The following FYTTD1 variants were observed in gnomAD, a reference collection of about 807,000 sequenced individuals.
FYTTD1 encodes UAP56-interacting factor.
In FYTTD1, 22 loss-of-function variants were observed where a neutral mutation model predicts 40.9. The ratio of observed to expected loss-of-function variants is 0.54; its 90% CI spans 0.38 to 0.77. The LOEUF (loss-of-function observed/expected upper bound fraction) is 0.77. Among genes scored for constraint, FYTTD1 ranks in the 30% least tolerant of loss-of-function variants. FYTTD1 has a pLI of 0.00. For synonymous variants in FYTTD1, 140 were observed against 137.9 expected (o/e 1.01, Z -0.10); for missense variants, 351 against 392.2 (o/e 0.90, Z 0.89).
intron 2 of FYTTD1, among the ~76,000 whole-genome samples, chr3:197,766,625 T>C (rs1190124294): frequency 6.6e-6 from 1 of 152,020 alleles, no homozygotes; most frequent in Admixed American, 6.6e-5. Flanking sequence ...GTATTTTTTC[T>C]AGAGATGGGG....
chr3:197,756,719 T>G (rs1319461888), intron 2 of FYTTD1, among the ~76,000 whole-genome samples, 162 bp downstream of exon 2: 1 of 152,210 alleles, frequency 6.6e-6, no homozygotes, highest in East Asian at 1.9e-4. Flanking sequence ...TGGTAAAAAT[T>G]TCAGTAGCCT....
At chr3:197,753,228 G>T (rs1560491269) in intron 1 of FYTTD1, among the ~76,000 whole-genome samples, 2 of 152,236 alleles carry the variant, frequency 1.3e-5, no homozygotes, top group African/African-American at 2.4e-5. Flanking sequence ...GTTTGCAGAG[G>T]TTTTTTTGTT....
chr3:197,778,033 A>G (rs1729924955), intron 7 of FYTTD1, among the ~76,000 whole-genome samples: 1 of 152,210 alleles, frequency 6.6e-6, no homozygotes, highest in African/African-American at 2.4e-5. Context: ...TTAATGATTG[A>G]AATGAAAAGC....
rs774065663 is a variant in FYTTD1, at chr3:197,773,538, T to TGTTC, written c.594+42_594+43insCGTT. 1.5e-5 allele frequency: 19 copies of TGTTC among 1,283,256 alleles called. 1 individual carries two copies. In the African/African-American group the frequency reaches 2.5e-4, roughly 17 times the overall value. The allele number at this position is 1,283,256 out of a possible 1,614,324, so 79.5% of individuals were successfully genotyped here. On this transcript the variant is annotated intron_variant, in intron 5 of 8. Coordinates refer to ENST00000241502, the MANE Select transcript of FYTTD1 (RefSeq NM_032288.7). ...TTGGCAGTGTTTTTGTTTGTTTGTT[T>TGTTC]GTTTTTTCCCAAAGAGGATCCTGAG... is the stretch of plus-strand genomic sequence containing the variant.
chr3:197,775,169 C>A (rs9825737), intron 6 of FYTTD1, among the ~76,000 whole-genome samples: 5,861 of 152,102 alleles, frequency 0.039, 308 homozygotes, highest in African/African-American at 0.13. Context: ...GCTTTTAGAA[C>A]ATTTGTACAA....
chr3:197,773,566 G>A, intron 5 of FYTTD1, 67 bp downstream of exon 5: 2 of 894,094 alleles, frequency 2.2e-6, no homozygotes, highest in Non-Finnish European at 3.6e-6. Context: ...ATCCTGAGCA[G>A]CCACCTTTAG....
intron 2 of FYTTD1, among the ~76,000 whole-genome samples, chr3:197,759,253 AAG>A (rs1181245061): frequency 1.3e-5 from 2 of 150,178 alleles, no homozygotes; most frequent in Non-Finnish European, 2.9e-5. Context: ...CAGTGGTAGA[AAG>A]TATAGAGTTG....
In FYTTD1 at chr3:197,770,396, G is replaced by A. The variant is rs1351741047; in HGVS notation, c.497+152G>A. The A allele has an allele frequency of 8.0e-6, 5 of 625,332 alleles. No homozygotes were observed. In the African/African-American group the frequency reaches 9.2e-5, roughly 12 times the overall value. The allele number at this position is 625,332 out of a possible 1,614,324, so 38.7% of individuals were successfully genotyped here. A position where few individuals can be genotyped will look rare whatever the true frequency, so the allele number is the denominator to read the frequency against. On this transcript the variant is annotated intron_variant, in intron 4 of 8. Transcript: ENST00000241502. ...TGTCTATCTGAACATCCACATGGAT[G>A]TATCCAGTAATAGCTTGTTTATTAG...
Position 197,787,108 on chromosome 3 carries a change from AT to A in FYTTD1, c.*5201del, listed in dbSNP as rs1730169908. 1 of 118,450 alleles carries A rather than the reference AT, an allele frequency of 8.4e-6. No homozygotes were observed. Among genetic ancestry groups the A allele is most frequent in the Non-Finnish European group, 1.7e-5 (1 of 59,604 alleles). The allele number at this position is 118,450 out of a possible 1,614,324, so 7.3% of individuals were successfully genotyped here. A position where few individuals can be genotyped will look rare whatever the true frequency, so the allele number is the denominator to read the frequency against. ...GCCACCACGCCCGCCCTAAAAGTGG[AT>A]TCTTTTTTTTTTTTTTTTTTTTGGA... On this transcript the variant is annotated 3_prime_UTR_variant, in exon 9 of 9. Transcript: ENST00000241502.
chr3:197,762,291 TGGAA>T (rs1447485457), intron 2 of FYTTD1, among the ~76,000 whole-genome samples: 3,546 of 152,240 alleles, frequency 0.023, 118 homozygotes, highest in African/African-American at 0.079. Flanking sequence ...TTATTTGTTT[TGGAA>T]AATAAAAATA....
intron 2 of FYTTD1, among the ~76,000 whole-genome samples, chr3:197,765,513 A>G (rs1205960589): frequency 6.6e-6 from 1 of 152,102 alleles, no homozygotes; most frequent in African/African-American, 2.4e-5. Context: ...ATCTTCATCT[A>G]GTTGCAATTT....
intron 2 of FYTTD1, among the ~76,000 whole-genome samples, chr3:197,760,729 G>GT (rs1330570315): frequency 6.6e-6 from 1 of 151,358 alleles, no homozygotes. Flanking sequence ...AATGTATAGA[G>GT]TGTTCTTCAG....
upstream of FYTTD1, chr3:197,749,637 C>A (rs1728921824): frequency 1.1e-6 from 1 of 951,038 alleles, no homozygotes; most frequent in Non-Finnish European, 1.5e-6. Flanking sequence ...TCACTGAAGG[C>A]ATAAGATTCA....
intron 2 of FYTTD1, among the ~76,000 whole-genome samples, chr3:197,764,760 A>G (rs1729492378): frequency 6.6e-6 from 1 of 151,986 alleles, no homozygotes; most frequent in African/African-American, 2.4e-5. Context: ...GAGAAAAAAA[A>G]AACAGCAGAA....
In FYTTD1 at chr3:197,759,789, G is replaced by GT. The variant is rs1458286601; in HGVS notation, c.235+3233dup. Among the ~76,000 whole-genome samples, 16 of 147,260 alleles carry GT rather than the reference G, an allele frequency of 1.1e-4. 1 individual carries two copies. Among genetic ancestry groups the GT allele is most frequent in the Admixed American group, 1.0e-3 (15 of 14,852 alleles). ...GTTCTTCAGTGGTAGAATGTATAGAGTGTTCTTCAGTGGTAGAACGTATAG... is the reference window on the plus strand; with the variant it reads ...GTTCTTCAGTGGTAGAATGTATAGAGTTGTTCTTCAGTGGTAGAACGTATAG... On this transcript the variant is annotated intron_variant, in intron 2 of 8. Transcript: ENST00000241502.
intron 8 of FYTTD1, among the ~76,000 whole-genome samples, chr3:197,779,205 A>G (rs1729956641): frequency 6.6e-6 from 1 of 152,194 alleles, no homozygotes. Flanking sequence ...ACCTGAAGTC[A>G]GGAGTTCGAG....
Position 197,768,492 on chromosome 3 carries a change from C to T in FYTTD1, c.289C>T (p.Arg97Cys), listed in dbSNP as rs776754149. 7.4e-6 allele frequency: 12 copies of T among 1,612,082 alleles called. No homozygotes were observed. Among genetic ancestry groups the T allele is most frequent in the African/African-American group, 4.0e-5 (3 of 74,866 alleles). The change falls in exon 3 of 9, where the codon CGT becomes TGT. Residue 97 changes from arginine (R) to cysteine (C), a missense_variant. Physicochemically the swap from Arg to Cys is radical, Grantham distance 180. Coordinates refer to ENST00000241502, the MANE Select transcript of FYTTD1 (RefSeq NM_032288.7). The stretch of plus-strand genomic sequence containing the variant: ...AGGAAGAGTAATGCCTGGAAAGAGA[C>T]GTCCTAATGGAGTTATCACTGGCCT... ...RRGRVMPGKRRPNGVITGLAA... is the reference protein window; with the variant it reads ...RRGRVMPGKRCPNGVITGLAA...
chr3:197,763,634 A>G (rs776608029), intron 2 of FYTTD1: 3 of 364,582 alleles, frequency 8.2e-6, no homozygotes, highest in Middle Eastern at 7.5e-4. Context: ...AAAGAGTATA[A>G]AGAGGTACTG....
intron 1 of FYTTD1, among the ~76,000 whole-genome samples, chr3:197,753,691 A>G (rs772140661): frequency 2.6e-5 from 4 of 152,146 alleles, no homozygotes; most frequent in Non-Finnish European, 4.4e-5. Context: ...GTAATTTTAT[A>G]TTTAATATGC....
Sources: allele counts gnomAD v4.1 joint callset (sites outside exome capture counted in the v4.1 genomes callset), GRCh38; gene constraint gnomAD v4.1.1; transcripts MANE v1.5; gene names NCBI Gene and HGNC (gene_info 2026-07-23, HGNC 2026-07-21).